The following SLC24A2 variants were observed in gnomAD, a reference collection of about 807,000 sequenced individuals.
SLC24A2 encodes the protein sodium/potassium/calcium exchanger 2.
Under a neutral mutation model 62.0 loss-of-function variants are expected in SLC24A2, and 36 were observed. The observed-to-expected ratio is 0.58, with a 90% CI of 0.44 to 0.77. The LOEUF (loss-of-function observed/expected upper bound fraction) is 0.77, where lower values mean the gene tolerates loss of function less well. Ranked by LOEUF, SLC24A2 falls within the 30% of genes least tolerant of loss-of-function variation. The pLI is 0.00. For synonymous variants in SLC24A2, 358 were observed against 294.0 expected (o/e 1.22, Z -2.23); for missense variants, 846 against 817.9 (o/e 1.03, Z -0.42).
At chr9:20,268,459 G>A in the SLC24A2 span, among the ~76,000 whole-genome samples, 285 of 152,226 alleles carry the variant, frequency 1.9e-3, no homozygotes, top group African/African-American at 6.6e-3. Context: ...ATGGGTTAAT[G>A]GATTAATGGG....
At chr9:19,822,256 T>C in the SLC24A2 span, among the ~76,000 whole-genome samples, 1 of 152,206 alleles carries the variant, frequency 6.6e-6, no homozygotes, top group East Asian at 1.9e-4. Flanking sequence ...ATGAGGGGAA[T>C]GTTATCCATG....
the SLC24A2 span, among the ~76,000 whole-genome samples, chr9:20,149,105 A>T: frequency 6.6e-6 from 1 of 152,048 alleles, no homozygotes; most frequent in Admixed American, 6.6e-5. Flanking sequence ...ATTATGAAAC[A>T]CTGAGCAGAT....
chr9:19,551,679 C>A (rs1457800768), intron 7 of SLC24A2, among the ~76,000 whole-genome samples: 1 of 152,172 alleles, frequency 6.6e-6, no homozygotes, highest in African/African-American at 2.4e-5. Context: ...AACAGCGCCC[C>A]CCTCCAGCAC....
At chr9:19,567,580 CTTA>C (rs1412524469) in intron 7 of SLC24A2, among the ~76,000 whole-genome samples, 6 of 146,062 alleles carry the variant, frequency 4.1e-5, no homozygotes, top group Non-Finnish European at 9.0e-5. Flanking sequence ...GGAATATGTT[CTTA>C]TAATTTTATC....
chr9:19,708,987 A>T (rs1820624849), intron 2 of SLC24A2, among the ~76,000 whole-genome samples: 1 of 152,140 alleles, frequency 6.6e-6, no homozygotes, highest in African/African-American at 2.4e-5. Flanking sequence ...AATGGGAGAA[A>T]ATTTTCGCAA....
chr9:19,654,113 A>T (rs1301501388), intron 2 of SLC24A2, among the ~76,000 whole-genome samples: 1 of 152,162 alleles, frequency 6.6e-6, no homozygotes, highest in African/African-American at 2.4e-5. Flanking sequence ...GCAACCATTG[A>T]TCCACTTTTG....
the SLC24A2 span, among the ~76,000 whole-genome samples, chr9:20,250,801 G>T: frequency 1.4e-4 from 21 of 152,100 alleles, no homozygotes; most frequent in Non-Finnish European, 2.6e-4. Context: ...ATACTATGTA[G>T]CCTAAACAGA....
chr9:19,617,144 G>A (rs545870959), intron 4 of SLC24A2, among the ~76,000 whole-genome samples: 1 of 152,200 alleles, frequency 6.6e-6, no homozygotes, highest in Non-Finnish European at 1.5e-5. Flanking sequence ...GGATGAAACT[G>A]TTCCACCTCG....
chr9:19,518,933 C>G (rs1395752219), intron 10 of SLC24A2, among the ~76,000 whole-genome samples: 4 of 152,024 alleles, frequency 2.6e-5, no homozygotes, highest in African/African-American at 7.2e-5. Flanking sequence ...TTAAGATGTT[C>G]AAAATATTTA....
the SLC24A2 span, among the ~76,000 whole-genome samples, chr9:20,235,849 G>A: frequency 6.6e-6 from 1 of 152,110 alleles, no homozygotes; most frequent in Non-Finnish European, 1.5e-5. Context: ...GACCGGAGCT[G>A]TTCCCATTCG....
chr9:20,224,968 T>C, the SLC24A2 span, among the ~76,000 whole-genome samples: 4 of 151,904 alleles, frequency 2.6e-5, no homozygotes, highest in Admixed American at 6.6e-5. Context: ...AAATAAGAGG[T>C]ATGAAAGTCA....
the SLC24A2 span, among the ~76,000 whole-genome samples, chr9:20,287,950 T>C: frequency 0.62 from 93,631 of 152,050 alleles, 30,698 homozygotes; most frequent in East Asian, 0.93. Flanking sequence ...TTTCTCAATT[T>C]TTACACATAT....
chr9:19,979,796 A>G, the SLC24A2 span, among the ~76,000 whole-genome samples: 1 of 152,190 alleles, frequency 6.6e-6, no homozygotes, highest in Non-Finnish European at 1.5e-5. Flanking sequence ...TGGGTATTGG[A>G]ATCAGGAGGC....
intron 2 of SLC24A2, among the ~76,000 whole-genome samples, chr9:19,671,280 T>G (rs1035838190): frequency 6.6e-6 from 1 of 151,948 alleles, no homozygotes; most frequent in African/African-American, 2.4e-5. Flanking sequence ...GTTAGGTATA[T>G]TCCTCAGTAT....
chr9:19,516,431 G>T (rs1222164859), intron 10 of SLC24A2, 29 bp from the exon 11 acceptor site: 1 of 1,611,660 alleles, frequency 6.2e-7, no homozygotes, highest in Non-Finnish European at 8.5e-7. Context: ...GGGCAGAGGG[G>T]AGTGGGAAGA....
At chr9:19,566,840 C>G (rs995683063) in intron 7 of SLC24A2, among the ~76,000 whole-genome samples, 2 of 152,082 alleles carry the variant, frequency 1.3e-5, no homozygotes, top group Non-Finnish European at 2.9e-5. Context: ...AACAATCATT[C>G]TCAGCAAACT....
chr9:19,567,054 C>T (rs1325217369), intron 7 of SLC24A2, among the ~76,000 whole-genome samples: 1 of 151,256 alleles, frequency 6.6e-6, no homozygotes, highest in Non-Finnish European at 1.5e-5. Flanking sequence ...CACATGTATA[C>T]ATATGTAATA....
intron 9 of SLC24A2, among the ~76,000 whole-genome samples, chr9:19,521,447 C>G (rs1263194028): frequency 6.6e-6 from 1 of 152,192 alleles, no homozygotes; most frequent in Non-Finnish European, 1.5e-5. Context: ...AAGATTTGCC[C>G]TTCAACTTAC....
chr9:20,057,479 G>C, the SLC24A2 span, among the ~76,000 whole-genome samples: 2 of 152,180 alleles, frequency 1.3e-5, no homozygotes, highest in Non-Finnish European at 2.9e-5. Flanking sequence ...TGGCTGGTCA[G>C]AGTTGGAGCT....
Sources: allele counts gnomAD v4.1 joint callset (sites outside exome capture counted in the v4.1 genomes callset), GRCh38; gene constraint gnomAD v4.1.1; transcripts MANE v1.5; gene names NCBI Gene and HGNC (gene_info 2026-07-23, HGNC 2026-07-21).